Variants in AURKA observed in about 807,000 individuals in gnomAD.
The protein encoded by AURKA is aurora kinase A.
Under a neutral mutation model 40.9 loss-of-function variants are expected in AURKA, and 12 were observed. That is an observed-to-expected ratio of 0.29 (90% CI 0.19 to 0.48). The LOEUF (loss-of-function observed/expected upper bound fraction) is 0.48. Among genes scored for constraint, AURKA ranks in the 20% least tolerant of loss-of-function variants. The probability of loss-of-function intolerance (pLI) is 0.99; values close to 1 mark genes in which losing one functional copy is unlikely to be tolerated. For synonymous variants in AURKA, 170 were observed against 164.3 expected (o/e 1.03, Z -0.26); for missense variants, 322 against 462.1 (o/e 0.70, Z 2.78).
chr20:56,388,384 C>A (rs2146213123), intron 1 of AURKA, 182 bp from the exon 2 acceptor site: 5 of 637,166 alleles, frequency 7.8e-6, no homozygotes, highest in East Asian at 5.4e-5. Context: ...GCAAGGCCAA[C>A]CTCCCCTTGG....
At chr20:56,381,913 C>A (rs1423489251) in intron 5 of AURKA, among the ~76,000 whole-genome samples, 3 of 152,162 alleles carry the variant, frequency 2.0e-5, no homozygotes, top group Non-Finnish European at 4.4e-5. Context: ...CGCCTGTAAT[C>A]CCAGCACTTT....
At chr20:56,384,130 T>C (rs574148597) in intron 4 of AURKA, 140 bp downstream of exon 4, 8 of 621,996 alleles carry the variant, frequency 1.3e-5, no homozygotes, top group East Asian at 5.8e-5. Context: ...TTTTTTAAGA[T>C]TGGAAATCTG....
At chr20:56,371,384 C>G (rs911080712) in intron 7 of AURKA, among the ~76,000 whole-genome samples, 1 of 151,822 alleles carries the variant, frequency 6.6e-6, no homozygotes, top group Non-Finnish European at 1.5e-5. Flanking sequence ...ATGGCGTGAA[C>G]CCGGGAGGCG....
At chr20:56,387,888 C>A (rs1398840408) in intron 2 of AURKA, among the ~76,000 whole-genome samples, 1 of 152,156 alleles carries the variant, frequency 6.6e-6, no homozygotes, top group African/African-American at 2.4e-5. Context: ...GTTTTGAACT[C>A]CTGCCAGATG....
At chr20:56,390,603 G>C (rs545320258) in intron 1 of AURKA, 2 of 152,006 alleles carry the variant, frequency 1.3e-5, no homozygotes, top group Non-Finnish European at 2.9e-5. Flanking sequence ...CACCGCGCCC[G>C]GCCTTCACTG....
chr20:56,383,967 C>T (rs892442269), intron 4 of AURKA, among the ~76,000 whole-genome samples: 4 of 152,140 alleles, frequency 2.6e-5, no homozygotes, highest in African/African-American at 4.8e-5. Context: ...AAAGTACAGA[C>T]GCATAAACCA....
At position 56,378,954 on chromosome 20, in the gene AURKA, T is replaced by C. The variant is rs553360248; in HGVS notation, c.705+2479A>G. On this transcript the variant is annotated intron_variant, in intron 6 of 8. Transcript: ENST00000395915. ...AGCGAAACTATTCTCTATATCATAA[T>C]GGTGGATACATGGCATTGTGTATTT... Among the ~76,000 whole-genome samples the C allele has an allele frequency of 2.6e-5, 4 of 152,308 alleles. No homozygotes were observed. The South Asian group carries it at 8.3e-4, about 32-fold the overall frequency.
intron 6 of AURKA, among the ~76,000 whole-genome samples, chr20:56,377,340 G>A (rs74653959): frequency 8.3e-4 from 126 of 152,138 alleles, no homozygotes; most frequent in African/African-American, 2.9e-3. Flanking sequence ...TACAAGGCAC[G>A]GATTGGGAGA....
At chr20:56,388,488 C>A (rs555644809) in intron 1 of AURKA, 38 of 483,164 alleles carry the variant, frequency 7.9e-5, no homozygotes, top group Middle Eastern at 1.1e-3. Flanking sequence ...CATCCCTGTG[C>A]AGCCTACTGG....
chr20:56,384,436 G>T, intron 3 of AURKA, 112 bp from the exon 4 acceptor site: 1 of 777,168 alleles, frequency 1.3e-6, no homozygotes, highest in Admixed American at 2.5e-5. Context: ...GGTATGTCAA[G>T]AATGATAAAT....
rs1983899693 is a variant in AURKA, at chr20:56,370,057, A to C, written c.*101T>G. ...ACAAATATTTCTTGTGTAGCGTTCTAGATTGAGGGCAGCAGTCAATGGTAA... is the reference window on the plus strand; with the variant it reads ...ACAAATATTTCTTGTGTAGCGTTCTCGATTGAGGGCAGCAGTCAATGGTAA... On this transcript the variant is annotated 3_prime_UTR_variant, in exon 9 of 9. Coordinates refer to ENST00000395915, the MANE Select transcript of AURKA (RefSeq NM_198437.3). 2 of 1,422,434 alleles carry C rather than the reference A, an allele frequency of 1.4e-6. No individual in the cohort carries two copies. The highest frequency in any genetic ancestry group is 1.4e-5 in the African/African-American group (1 of 71,102). The allele number at this position is 1,422,434 out of a possible 1,614,324, so 88.1% of individuals were successfully genotyped here.
chr20:56,386,603 C>T, intron 2 of AURKA, 70 bp from the exon 3 acceptor site: 1 of 1,575,384 alleles, frequency 6.3e-7, no homozygotes, highest in Non-Finnish European at 8.7e-7. Context: ...GAGAATTTCA[C>T]AAAGTTTGTT....
At chr20:56,376,605 G>GA (rs369468380) in intron 6 of AURKA, among the ~76,000 whole-genome samples, 1 of 151,828 alleles carries the variant, frequency 6.6e-6, no homozygotes, top group African/African-American at 2.4e-5. Context: ...CCAAGAAACA[G>GA]AAAAAAATCA....
At position 56,386,196 on chromosome 20, in the gene AURKA, T is replaced by C. The variant is rs921180542; in HGVS notation, c.319+61A>G. ...AAACAATAAGTGCAAGTATATACAC[T>C]GGCTTTTTTAGCAACGACGACAAAG... On this transcript the variant is annotated intron_variant, in intron 3 of 8. Coordinates refer to ENST00000395915, the MANE Select transcript of AURKA (RefSeq NM_198437.3). The C allele has an allele frequency of 1.9e-6, 3 of 1,598,974 alleles. No homozygotes were observed. The South Asian group carries it at 3.3e-5, about 18-fold the overall frequency.
intron 6 of AURKA, among the ~76,000 whole-genome samples, chr20:56,378,463 T>C (rs1985239392): frequency 6.6e-6 from 1 of 152,220 alleles, no homozygotes; most frequent in Non-Finnish European, 1.5e-5. Flanking sequence ...AAAATCACTT[T>C]GGAAGACTGA....
intron 1 of AURKA, among the ~76,000 whole-genome samples, chr20:56,390,333 G>GT (rs1385915257): frequency 2.0e-5 from 3 of 146,608 alleles, no homozygotes; most frequent in East Asian, 2.0e-4. Context: ...TTGAGATAGA[G>GT]TTTGCTCTTG....
At chr20:56,386,684 TC>T in intron 2 of AURKA, 151 bp from the exon 3 acceptor site, 1 of 849,532 alleles carries the variant, frequency 1.2e-6, no homozygotes, top group Non-Finnish European at 1.8e-6. Context: ...AATCAGTACC[TC>T]CAGAGGATAG....
At chr20:56,382,134 A>G (rs1985791572) in intron 5 of AURKA, among the ~76,000 whole-genome samples, 1 of 151,660 alleles carries the variant, frequency 6.6e-6, no homozygotes, top group African/African-American at 2.4e-5. Context: ...ACTGCACTCC[A>G]GTCTGGGCAA....
chr20:56,380,238 C>T (rs901352033), intron 6 of AURKA, among the ~76,000 whole-genome samples: 5 of 151,534 alleles, frequency 3.3e-5, no homozygotes, highest in Admixed American at 2.0e-4. Context: ...GCCTGTACTT[C>T]CAGCTACTTG....
Sources: gnomAD v4.1 joint callset for allele counts (sites outside exome capture counted in the v4.1 genomes callset) on GRCh38, gnomAD v4.1.1 for gene constraint, MANE v1.5 for transcripts, NCBI Gene and HGNC (gene_info 2026-07-23, HGNC 2026-07-21) for gene names.